TBX20: variants seen among roughly 807,000 people sequenced by gnomAD.
TBX20 encodes T-box transcription factor TBX20.
Under a neutral mutation model 42.9 loss-of-function variants are expected in TBX20, and 8 were observed. The observed-to-expected ratio is 0.19, with a 90% CI of 0.11 to 0.34. TBX20 has a LOEUF of 0.34. TBX20 is among the 10% of genes least tolerant of loss of function. The probability of loss-of-function intolerance (pLI) is 1.00; values close to 1 mark genes in which losing one functional copy is unlikely to be tolerated. For missense variants in TBX20, 411 were observed against 566.0 expected (o/e 0.73, Z 2.78); for synonymous variants, 198 against 222.8 (o/e 0.89, Z 0.99).
At chr7:35,229,980 G>C (rs1335558527) in intron 6 of TBX20, among the ~76,000 whole-genome samples, 1 of 152,042 alleles carries the variant, frequency 6.6e-6, no homozygotes, top group Admixed American at 6.6e-5. Flanking sequence ...GAGACTCTAA[G>C]CCCTAACTTT....
intron 1 of TBX20, among the ~76,000 whole-genome samples, chr7:35,252,958 T>C (rs928391680): frequency 1.3e-5 from 2 of 152,264 alleles, no homozygotes; most frequent in Non-Finnish European, 2.9e-5. Context: ...TATAAAATGA[T>C]GTCTTGGTGA....
rs112239637 is a variant in TBX20, at chr7:35,227,458, T to A, written c.890+4046A>T. 5.1e-4 allele frequency among the ~76,000 whole-genome samples: 77 copies of A among 152,270 alleles called. 1 individual carries two copies. Among genetic ancestry groups the A allele is most frequent in the African/African-American group, 1.6e-3 (66 of 41,552 alleles). On this transcript the variant is annotated intron_variant, in intron 6 of 7. Transcript: ENST00000408931. Reference sequence around the variant, plus strand: ...GTACCATTTTTTTTGTTTTACACTGTCTTTTTACTGTGCCTTTTTAATGTT... The same window carrying A: ...GTACCATTTTTTTTGTTTTACACTGACTTTTTACTGTGCCTTTTTAATGTT...
chr7:35,208,010 C>T (rs978368540), intron 6 of TBX20, among the ~76,000 whole-genome samples: 46 of 152,250 alleles, frequency 3.0e-4, no homozygotes, highest in African/African-American at 1.1e-3. Flanking sequence ...TATTTTAGAT[C>T]TACATATCAA....
In TBX20 at chr7:35,253,869, G is replaced by A. The variant is rs1284745191; in HGVS notation, c.-249C>T. On this transcript the variant is annotated 5_prime_UTR_variant, in exon 1 of 8. Coordinates refer to ENST00000408931, the MANE Select transcript of TBX20 (RefSeq NM_001077653.2). Reference sequence around the variant, plus strand: ...GAGGAGAGGGCCCACCGAGCACTACGGCGGGTGCGCACGCCCCGGGGCGCT... The same window carrying A: ...GAGGAGAGGGCCCACCGAGCACTACAGCGGGTGCGCACGCCCCGGGGCGCT... 9.7e-6 allele frequency: 5 copies of A among 517,882 alleles called. No individual in the cohort carries two copies. Among genetic ancestry groups the A allele is most frequent in the Non-Finnish European group, 1.7e-5 (5 of 292,306 alleles). 32.1% of individuals were successfully genotyped at this position (517,882 alleles called of 1,614,324 possible). A position where few individuals can be genotyped will look rare whatever the true frequency, so the allele number is the denominator to read the frequency against.
chr7:35,245,115 G>T, intron 3 of TBX20, 58 bp from the exon 4 acceptor site: 1 of 1,241,756 alleles, frequency 8.1e-7, no homozygotes. Flanking sequence ...GTCTCTGTAG[G>T]TTATAAAATG....
intron 1 of TBX20, among the ~76,000 whole-genome samples, chr7:35,250,460 A>G (rs1790284722): frequency 1.3e-5 from 2 of 152,208 alleles, no homozygotes; most frequent in African/African-American, 4.8e-5. Flanking sequence ...ACTGCAGCCC[A>G]CTTTGGGAAA....
At chr7:35,237,868 A>T (rs905772749) in intron 5 of TBX20, among the ~76,000 whole-genome samples, 1 of 61,328 alleles carries the variant, frequency 1.6e-5, no homozygotes, top group Non-Finnish European at 4.0e-5. Flanking sequence ...CATTTGTTTA[A>T]AAAAAAAATG....
At position 35,253,883 on chromosome 7, in the gene TBX20, C is replaced by A. The variant is rs1042387326; in HGVS notation, c.-263G>T. ...CCGAGCACTACGGCGGGTGCGCACG[C>A]CCCGGGGCGCTCGGCAGGACGACAG... On this transcript the variant is annotated 5_prime_UTR_variant, in exon 1 of 8. Coordinates refer to ENST00000408931, the MANE Select transcript of TBX20 (RefSeq NM_001077653.2). The A allele has an allele frequency of 3.5e-5, 17 of 484,846 alleles. No individual in the cohort carries two copies. The highest frequency in any genetic ancestry group is 3.1e-4 in the African/African-American group (16 of 51,122). 30.0% of individuals were successfully genotyped at this position (484,846 alleles called of 1,614,324 possible).
chr7:35,241,945 A>G (rs929810134), intron 4 of TBX20, among the ~76,000 whole-genome samples: 1 of 152,182 alleles, frequency 6.6e-6, no homozygotes, highest in African/African-American at 2.4e-5. Flanking sequence ...CAGCTATCTA[A>G]GTCTGCAAAA....
At chr7:35,208,173 T>G (rs1296761507) in intron 6 of TBX20, among the ~76,000 whole-genome samples, 1 of 152,208 alleles carries the variant, frequency 6.6e-6, no homozygotes, top group Non-Finnish European at 1.5e-5. Flanking sequence ...TTTCCCTACT[T>G]CGTATTATAG....
intron 6 of TBX20, among the ~76,000 whole-genome samples, chr7:35,209,420 A>G (rs1413845943): frequency 6.6e-6 from 1 of 152,108 alleles, no homozygotes; most frequent in Non-Finnish European, 1.5e-5. Flanking sequence ...AAATTTGTCC[A>G]TTTTGTTTAA....
intron 1 of TBX20, among the ~76,000 whole-genome samples, chr7:35,251,580 CT>C (rs888028001): frequency 7.2e-5 from 11 of 152,024 alleles, no homozygotes; most frequent in Admixed American, 3.3e-4. Flanking sequence ...GTGTTAATGA[CT>C]TTTTTTTCTG....
At chr7:35,239,147 T>C (rs1277647375) in intron 5 of TBX20, among the ~76,000 whole-genome samples, 1 of 151,680 alleles carries the variant, frequency 6.6e-6, no homozygotes, top group Admixed American at 6.6e-5. Flanking sequence ...CCTAGGAGAG[T>C]AAGCCTTACA....
At chr7:35,209,221 C>A (rs905044278) in intron 6 of TBX20, among the ~76,000 whole-genome samples, 3 of 151,986 alleles carry the variant, frequency 2.0e-5, no homozygotes, top group African/African-American at 7.2e-5. Flanking sequence ...AAACTCTTCC[C>A]TCCTCTTCAA....
intron 6 of TBX20, among the ~76,000 whole-genome samples, chr7:35,211,455 G>T (rs1189663234): frequency 1.3e-5 from 2 of 152,016 alleles, no homozygotes; most frequent in Non-Finnish European, 2.9e-5. Flanking sequence ...GTCTGAAAAA[G>T]TCTTTATTTT....
intron 5 of TBX20, among the ~76,000 whole-genome samples, chr7:35,239,627 CAAAAGAAGA>C (rs1349139752): frequency 6.6e-6 from 1 of 152,122 alleles, no homozygotes; most frequent in Non-Finnish European, 1.5e-5. Context: ...ACGCTGGGCA[CAAAAGAAGA>C]AAATGTATGG....
At chr7:35,230,312 C>T (rs558390355) in intron 6 of TBX20, among the ~76,000 whole-genome samples, 2 of 152,284 alleles carry the variant, frequency 1.3e-5, no homozygotes, top group African/African-American at 4.8e-5. Flanking sequence ...TTACCACTTG[C>T]CTTCTCTCTG....
intron 5 of TBX20, among the ~76,000 whole-genome samples, chr7:35,236,779 T>A (rs956039596): frequency 7.9e-5 from 12 of 152,210 alleles, no homozygotes; most frequent in Non-Finnish European, 1.6e-4. Flanking sequence ...TAGTAGAATC[T>A]ATGAGAAAAT....
chr7:35,248,963 G>T, intron 2 of TBX20, 122 bp from the exon 3 acceptor site: 2 of 1,128,538 alleles, frequency 1.8e-6, no homozygotes, highest in Non-Finnish European at 1.3e-6. Flanking sequence ...TCTCTATCCG[G>T]TCCACAAACC....
Sources: allele counts gnomAD v4.1 joint callset (sites outside exome capture counted in the v4.1 genomes callset), GRCh38; gene constraint gnomAD v4.1.1; transcripts MANE v1.5; gene names NCBI Gene and HGNC (gene_info 2026-07-23, HGNC 2026-07-21).